Variants in CDH1 observed in about 807,000 individuals in gnomAD.
CDH1 encodes the protein cadherin-1.
A neutral mutation model predicts 84.5 loss-of-function variants in CDH1; 35 were observed. The ratio of observed to expected loss-of-function variants is 0.41; its 90% confidence interval spans 0.32 to 0.55. The LOEUF (loss-of-function observed/expected upper bound fraction) is 0.55. Among genes scored for constraint, CDH1 ranks in the 20% least tolerant of loss-of-function variants. The pLI is 0.19. For missense variants in CDH1, 994 were observed against 1,126.6 expected, an observed-to-expected ratio of 0.88 and a Z score of 1.68; for synonymous variants, 417 against 439.0, an observed-to-expected ratio of 0.95 and a Z score of 0.63.
chr16:68,811,262 C>T lies in CDH1; in HGVS notation c.833-422C>T, dbSNP rs118067085. On this transcript the variant is annotated intron_variant, in intron 6 of 15. Transcript: ENST00000261769. The stretch of plus-strand genomic sequence containing the variant: ...AAAATAGAAAATTAGCTGGGCGTGG[C>T]GACGCATGCCTATAATTCCAGATAC... Among the ~76,000 whole-genome samples the T allele has an allele frequency of 2.0e-4, 31 of 151,408 alleles. No individual in the cohort carries two copies. The East Asian group carries it at 5.3e-3, about 26-fold the overall frequency.
At chr16:68,763,635 C>T (rs369698426) in intron 2 of CDH1, 4 of 152,240 alleles carry the variant, frequency 2.6e-5, no homozygotes, top group Admixed American at 2.6e-4. Context: ...TTCCCTCGGC[C>T]CTCCTCCCCC....
At chr16:68,751,439 G>A (rs1458855313) in intron 2 of CDH1, among the ~76,000 whole-genome samples, 4 of 152,168 alleles carry the variant, frequency 2.6e-5, no homozygotes, top group African/African-American at 9.7e-5. Context: ...TGAAAAGACT[G>A]CAAGCCTTTG....
chr16:68,808,722 G>A lies in CDH1; in HGVS notation c.561G>A (p.Lys187=), dbSNP rs765426607. 6 of 1,614,128 alleles carry A rather than the reference G, an allele frequency of 3.7e-6. No homozygotes were observed. The highest frequency in any genetic ancestry group is 4.2e-6 in the Non-Finnish European group (5 of 1,180,026). Residue 187 remains lysine (K), a synonymous_variant, in exon 5 of 16, where the codon AAG becomes AAA. Coordinates refer to ENST00000261769, the MANE Select transcript of CDH1 (RefSeq NM_004360.5). ...AATCCAACAAAGACAAAGAAGGCAA[G>A]GTTTTCTACAGCATCACTGGCCAAG... The part of the protein sequence containing the change: ...QIKSNKDKEG[K]VFYSITGQGA...
At chr16:68,805,894 C>T (rs1184815198) in intron 3 of CDH1, among the ~76,000 whole-genome samples, 2 of 152,116 alleles carry the variant, frequency 1.3e-5, no homozygotes, top group Non-Finnish European at 2.9e-5. Flanking sequence ...AGCCACCAGG[C>T]CTGGCCAAGG....
rs876658591 is a variant in CDH1 at position 68,823,614 on chromosome 16, C to A, written c.2152C>A (p.Leu718Ile). ...PAILGILGGI[L>I]ALLILILLLL... is the part of the protein sequence containing the mutation. Reference sequence around the variant, plus strand: ...CATTCTGGGGATTCTTGGAGGAATTCTTGCTTTGCTAAGTAAGTCCAGCTG... The same window carrying A: ...CATTCTGGGGATTCTTGGAGGAATTATTGCTTTGCTAAGTAAGTCCAGCTG... Residue 718 changes from leucine to isoleucine, a missense_variant, in exon 13 of 16, where the codon CTT becomes ATT. By Grantham distance (5) the Leu-to-Ile change is conservative. This residue lies in a region of CDH1 where 769 missense variants were observed against 881.8 expected (regional missense o/e 0.87). Coordinates refer to ENST00000261769, the MANE Select transcript of CDH1 (RefSeq NM_004360.5). 6.2e-7 allele frequency: 1 copy of A among 1,610,474 alleles called. No homozygotes were observed. Among genetic ancestry groups the A allele is most frequent in the Non-Finnish European group, 8.5e-7 (1 of 1,178,710 alleles).
chr16:68,760,086 A>AT (rs56019300), intron 2 of CDH1, among the ~76,000 whole-genome samples: 117 of 122,136 alleles, frequency 9.6e-4, no homozygotes, highest in African/African-American at 2.0e-3. Flanking sequence ...ATATATATAT[A>AT]TTTTTTTTTT....
chr16:68,802,243 G>A (rs1038735313), intron 3 of CDH1, among the ~76,000 whole-genome samples: 5 of 152,314 alleles, frequency 3.3e-5, no homozygotes, highest in South Asian at 2.1e-4. Context: ...CCTGAACACC[G>A]TCTGGGACTG....
intron 9 of CDH1, among the ~76,000 whole-genome samples, chr16:68,814,859 G>A (rs2152134309): frequency 6.6e-6 from 1 of 150,710 alleles, no homozygotes; most frequent in Non-Finnish European, 1.5e-5. Context: ...GGTTGAAGCT[G>A]CACTCAGCTA....
chr16:68,825,309 G>C (rs1429653293), intron 13 of CDH1, among the ~76,000 whole-genome samples: 1 of 152,142 alleles, frequency 6.6e-6, no homozygotes, highest in African/African-American at 2.4e-5. Context: ...TGGGTATTTA[G>C]GAAGGTTCCC....
intron 11 of CDH1, among the ~76,000 whole-genome samples, chr16:68,819,723 C>T (rs1337910766): frequency 6.6e-6 from 1 of 152,140 alleles, no homozygotes; most frequent in African/African-American, 2.4e-5. Context: ...CTGCCATTGT[C>T]TATCATTCCA....
chr16:68,793,304 C>G (rs1960261974), intron 2 of CDH1, among the ~76,000 whole-genome samples: 1 of 152,178 alleles, frequency 6.6e-6, no homozygotes. Context: ...CCTTAGGTTT[C>G]TCTGAGGCCT....
chr16:68,796,202 T>G (rs754376752), intron 2 of CDH1, among the ~76,000 whole-genome samples: 4 of 152,030 alleles, frequency 2.6e-5, no homozygotes, highest in Non-Finnish European at 2.9e-5. Flanking sequence ...GCAGTATTCT[T>G]TGGTGTTCGC....
intron 10 of CDH1, among the ~76,000 whole-genome samples, chr16:68,818,892 G>C (rs1961060508): frequency 6.9e-6 from 1 of 144,132 alleles, no homozygotes. Flanking sequence ...TTTCACTTTT[G>C]TTGCCCAGGC....
chr16:68,823,133 C>G lies in CDH1; in HGVS notation c.1937-266C>G, dbSNP rs73562605. 71,835 of 460,426 alleles carry G rather than the reference C, an allele frequency of 0.16. 6,438 individuals are homozygous for G. The highest frequency in any genetic ancestry group is 0.29 in the African/African-American group (14,647 of 50,520). 28.5% of individuals were successfully genotyped at this position (460,426 alleles called of 1,614,324 possible). A position where few individuals can be genotyped will look rare whatever the true frequency, so the allele number is the denominator to read the frequency against. On this transcript the variant is annotated intron_variant, in intron 12 of 15. Transcript: ENST00000261769. ...GAACCCAGCGACATCTGAAGAGCCC[C>G]GCTCTGCCTAAGCCTCTCCCTCCAG...
At chr16:68,743,909 A>G (rs565961053) in intron 2 of CDH1, among the ~76,000 whole-genome samples, 41 of 152,348 alleles carry the variant, frequency 2.7e-4, no homozygotes, top group African/African-American at 9.6e-4. Flanking sequence ...ATGAGAATTA[A>G]GTATGTACAT....
chr16:68,737,402 G>A lies in CDH1; in HGVS notation c.-14G>A, dbSNP rs1176241715. The A allele has an allele frequency of 2.0e-6, 3 of 1,530,436 alleles. No individual in the cohort carries two copies. The highest frequency in any genetic ancestry group is 2.5e-5 in the East Asian group (1 of 40,642). The allele number at this position is 1,530,436 out of a possible 1,614,324, so 94.8% of individuals were successfully genotyped here. A position where few individuals can be genotyped will look rare whatever the true frequency, so the allele number is the denominator to read the frequency against. ...CACCCGGCGCCTGCCCTCGCTCGGC[G>A]TCCCCGGCCAGCCATGGGCCCTTGG... is the stretch of plus-strand genomic sequence containing the variant. On this transcript the variant is annotated 5_prime_UTR_variant, in exon 1 of 16. Transcript: ENST00000261769.
intron 2 of CDH1, among the ~76,000 whole-genome samples, chr16:68,780,803 A>C (rs1420054191): frequency 6.6e-6 from 1 of 152,154 alleles, no homozygotes; most frequent in Non-Finnish European, 1.5e-5. Context: ...AGAGCAAGTG[A>C]CATGAGGGTA....
intron 2 of CDH1, among the ~76,000 whole-genome samples, chr16:68,747,307 CAGAA>C (rs985970199): frequency 3.9e-5 from 6 of 152,118 alleles, no homozygotes; most frequent in African/African-American, 9.6e-5. Flanking sequence ...TTCCTGGGCA[CAGAA>C]AGAGGAGGGA....
At chr16:68,777,629 G>T (rs375232699) in intron 2 of CDH1, among the ~76,000 whole-genome samples, 1 of 139,732 alleles carries the variant, frequency 7.2e-6, no homozygotes, top group Non-Finnish European at 1.5e-5. Flanking sequence ...TTGCAGCCTC[G>T]ACCTCCCAGG....
Sources: gnomAD v4.1 joint callset for allele counts (sites outside exome capture counted in the v4.1 genomes callset) on GRCh38, gnomAD v4.1.1 for gene constraint, gnomAD v4.1.1 regional missense constraint, MANE v1.5 for transcripts, NCBI Gene and HGNC (gene_info 2026-07-23, HGNC 2026-07-21) for gene names.